Variants in ZNF490 observed in about 807,000 individuals in gnomAD.
ZNF490 encodes zinc finger protein 490.
Under a neutral mutation model 17.7 loss-of-function variants are expected in ZNF490, and 11 were observed. The ratio of observed to expected loss-of-function variants is 0.62; its 90% CI spans 0.39 to 1.03. The LOEUF (loss-of-function observed/expected upper bound fraction) is 1.03, where lower values mean the gene tolerates loss of function less well. Among genes scored for constraint, ZNF490 ranks in the 50% least tolerant of loss-of-function variants. The pLI, the probability that ZNF490 is intolerant of heterozygous loss-of-function variation, is 0.00. For missense variants in ZNF490, 542 were observed against 643.4 expected, an observed-to-expected ratio of 0.84 and a Z score of 1.71; for synonymous variants, 222 against 216.1, an observed-to-expected ratio of 1.03 and a Z score of -0.24.
At chr19:12,598,740 G>T (rs2022964879) in intron 2 of ZNF490, among the ~76,000 whole-genome samples, 1 of 151,204 alleles carries the variant, frequency 6.6e-6, no homozygotes, top group African/African-American at 2.4e-5. Flanking sequence ...TGTAATCCCA[G>T]CACTTTGGGA....
chr19:12,594,611 T>A (rs2022911948), intron 2 of ZNF490, among the ~76,000 whole-genome samples: 2 of 152,170 alleles, frequency 1.3e-5, no homozygotes, highest in South Asian at 4.1e-4. Context: ...AATTTGCAAG[T>A]CACAGCATAA....
In ZNF490 at chr19:12,580,459, T is replaced by C. The variant is rs748972166; in HGVS notation, c.*26A>G. The stretch of plus-strand genomic sequence containing the variant: ...TACATCCAAAAGGAACTAATACAAC[T>C]GACAGCATTACCACACTTTACTTTC... On this transcript the variant is annotated 3_prime_UTR_variant, in exon 5 of 5. Transcript: ENST00000311437. The C allele has an allele frequency of 1.3e-6, 2 of 1,548,716 alleles. No homozygotes were observed. The highest frequency in any genetic ancestry group is 1.7e-6 in the Non-Finnish European group (2 of 1,150,506).
chr19:12,599,175 A>AG (rs2022973047), intron 2 of ZNF490, among the ~76,000 whole-genome samples: 1 of 150,228 alleles, frequency 6.7e-6, no homozygotes, highest in Admixed American at 6.6e-5. Context: ...AAGAAAGAAA[A>AG]GAAAAAAAAA....
chr19:12,582,811 C>T, intron 4 of ZNF490, 39 bp downstream of exon 4: 1 of 1,433,674 alleles, frequency 7.0e-7, no homozygotes, highest in East Asian at 2.3e-5. Flanking sequence ...TACTAAGATT[C>T]TCTCAGGGGC....
rs2023140940 is a variant in ZNF490 at position 12,610,784 on chromosome 19, C to A, written c.-104G>T. On this transcript the variant is annotated 5_prime_UTR_variant, in exon 1 of 5. Transcript: ENST00000311437. The stretch of plus-strand genomic sequence containing the variant: ...CAATTGTCCACGGAGGGCACCAGTT[C>A]CGTCCCACCGGCGGAAGCGAGATCT... The A allele has an allele frequency of 1.7e-6, 2 of 1,200,540 alleles. No individual in the cohort carries two copies. The highest frequency in any genetic ancestry group is 2.3e-5 in the East Asian group (1 of 42,694). 74.4% of individuals were successfully genotyped at this position (1,200,540 alleles called of 1,614,324 possible).
chr19:12,607,069 T>C (rs10414156), intron 2 of ZNF490, among the ~76,000 whole-genome samples: 152,120 of 152,244 alleles, frequency 1, 76,001 homozygotes, highest in Non-Finnish European at 1. Context: ...TGGCCAGGTG[T>C]GGTAGCTCAC....
At chr19:12,591,441 A>G (rs1293480894) in intron 2 of ZNF490, among the ~76,000 whole-genome samples, 4 of 152,156 alleles carry the variant, frequency 2.6e-5, no homozygotes, top group African/African-American at 9.7e-5. Flanking sequence ...AAGAAAATGA[A>G]AAGACAAGCT....
chr19:12,604,661 C>CA (rs56761414), intron 2 of ZNF490, among the ~76,000 whole-genome samples: 84,129 of 140,482 alleles, frequency 0.6, 25,376 homozygotes, highest in Non-Finnish European at 0.66. Context: ...GACTCTATCT[C>CA]AAAAAAAAAA....
chr19:12,583,807 A>ATT (rs1568278640), intron 2 of ZNF490, among the ~76,000 whole-genome samples: 4 of 112,412 alleles, frequency 3.6e-5, no homozygotes, highest in African/African-American at 1.5e-4. Context: ...ATATATATAT[A>ATT]TATATTTTTT....
intron 2 of ZNF490, among the ~76,000 whole-genome samples, chr19:12,583,791 C>CTCTCTATA (rs1315571249): frequency 4.4e-5 from 3 of 68,134 alleles, no homozygotes; most frequent in East Asian, 4.0e-4. Flanking sequence ...CTCTCTCTCT[C>CTCTCTATA]TATATATATA....
rs1406520786 is a variant in ZNF490 at position 12,576,944 on chromosome 19, GAC to G, written c.*3539_*3540del. Reference sequence around the variant, plus strand: ...TTATCACTGTACATACAGGTGGACAGACACAAATTCACAAACCCACAGGTGTA... The same window carrying G: ...TTATCACTGTACATACAGGTGGACAGACAAATTCACAAACCCACAGGTGTA... On this transcript the variant is annotated 3_prime_UTR_variant, in exon 5 of 5. Transcript: ENST00000311437. Among the ~76,000 whole-genome samples, 5 of 151,154 alleles carry G rather than the reference GAC, an allele frequency of 3.3e-5. No homozygotes were observed. Among genetic ancestry groups the G allele is most frequent in the African/African-American group, 7.3e-5 (3 of 41,026 alleles).
chr19:12,582,740 A>G, intron 4 of ZNF490, 110 bp downstream of exon 4: 1 of 1,011,138 alleles, frequency 9.9e-7, no homozygotes, highest in Admixed American at 2.1e-5. Flanking sequence ...ATTTTCTAAG[A>G]ATGAATAAAC....
chr19:12,594,182 G>C (rs2022905255), intron 2 of ZNF490, among the ~76,000 whole-genome samples: 1 of 152,032 alleles, frequency 6.6e-6, no homozygotes, highest in Non-Finnish European at 1.5e-5. Flanking sequence ...AGCCACTATA[G>C]TGGCCAGGAA....
chr19:12,608,609 T>C (rs1386358446), intron 2 of ZNF490, among the ~76,000 whole-genome samples: 1 of 151,784 alleles, frequency 6.6e-6, no homozygotes, highest in Non-Finnish European at 1.5e-5. Flanking sequence ...TAGCTGAGAT[T>C]ACAGGTGTGC....
At chr19:12,599,139 C>CAAAAAAAAAAAAAAAAAAAAAAAA (rs55911311) in intron 2 of ZNF490, among the ~76,000 whole-genome samples, 10 of 68,628 alleles carry the variant, frequency 1.5e-4, no homozygotes, top group East Asian at 6.6e-4. Context: ...GACTCTGTCT[C>CAAAAAAAAAAAAAAAAAAAAAAAA]AAAAAAAAAA....
At chr19:12,582,670 A>G (rs543504143) in intron 4 of ZNF490, among the ~76,000 whole-genome samples, 180 bp downstream of exon 4, 1 of 152,284 alleles carries the variant, frequency 6.6e-6, no homozygotes, top group Admixed American at 6.5e-5. Flanking sequence ...CTGGGATTAC[A>G]GACATGAGCC....
In ZNF490 at chr19:12,581,641, G is replaced by A. The variant is rs201284248; in HGVS notation, c.434C>T (p.Thr145Met). ...TAATCCAGTAGGAGTTTCCAGGTTC[G>A]TATTAAGATCAGGAATCTGGCTAGT... ...KSTSQIPDLN[T>M]NLETPTGLKP... Residue 145 changes from threonine to methionine, a missense_variant, in exon 5 of 5, where the codon ACG becomes ATG. Thr to Met is a moderately conservative substitution (Grantham distance 81). Coordinates refer to ENST00000311437, the MANE Select transcript of ZNF490 (RefSeq NM_020714.3). 316 of 1,614,128 alleles carry A rather than the reference G, an allele frequency of 2.0e-4. 1 individual carries two copies. The South Asian group carries it at 3.0e-3, about 15-fold the overall frequency.
At chr19:12,593,530 G>A (rs1286270872) in intron 2 of ZNF490, among the ~76,000 whole-genome samples, 3 of 151,986 alleles carry the variant, frequency 2.0e-5, no homozygotes, top group South Asian at 2.1e-4. Flanking sequence ...AATTACAGGC[G>A]TGAGCCACCA....
At chr19:12,595,227 C>T (rs1486201530) in intron 2 of ZNF490, among the ~76,000 whole-genome samples, 1 of 150,708 alleles carries the variant, frequency 6.6e-6, no homozygotes, top group Non-Finnish European at 1.5e-5. Flanking sequence ...CCACAACCTC[C>T]GCCTCCCGGG....
Sources: gnomAD v4.1 joint callset for allele counts (sites outside exome capture counted in the v4.1 genomes callset) on GRCh38, gnomAD v4.1.1 for gene constraint, MANE v1.5 for transcripts, NCBI Gene and HGNC (gene_info 2026-07-23, HGNC 2026-07-21) for gene names.